The following PLXDC2 variants were observed in gnomAD, a reference collection of about 807,000 sequenced individuals.
The protein encoded by PLXDC2 is plexin domain-containing protein 2.
In PLXDC2, 40 loss-of-function variants were observed where a neutral mutation model predicts 68.9. The ratio of observed to expected loss-of-function variants is 0.58; its 90% CI spans 0.45 to 0.76. The LOEUF (loss-of-function observed/expected upper bound fraction) is 0.76, where lower values mean the gene tolerates loss of function less well. Ranked by LOEUF, PLXDC2 falls within the 30% of genes least tolerant of loss-of-function variation. The probability of loss-of-function intolerance (pLI) is 0.00; values close to 1 mark genes in which losing one functional copy is unlikely to be tolerated. For missense variants in PLXDC2, 644 were observed against 661.9 expected (o/e 0.97, Z 0.30); for synonymous variants, 243 against 234.2 (o/e 1.04, Z -0.34).
intron 1 of PLXDC2, among the ~76,000 whole-genome samples, chr10:19,829,306 C>T (rs1397413738): frequency 1.3e-5 from 2 of 151,984 alleles, no homozygotes; most frequent in African/African-American, 2.4e-5. Context: ...CCAGTGCCTC[C>T]CTAGCTCCAA....
At chr10:20,201,339 A>G (rs1393877484) in intron 9 of PLXDC2, among the ~76,000 whole-genome samples, 1 of 152,094 alleles carries the variant, frequency 6.6e-6, no homozygotes, top group Non-Finnish European at 1.5e-5. Context: ...GCTTTAAAAA[A>G]TAAAAGGTGA....
intron 1 of PLXDC2, among the ~76,000 whole-genome samples, chr10:19,866,488 G>C (rs1837419249): frequency 6.6e-6 from 1 of 152,138 alleles, no homozygotes; most frequent in African/African-American, 2.4e-5. Context: ...GATTACACTA[G>C]GCCCACATGG....
At chr10:20,021,202 T>C (rs935300053) in intron 2 of PLXDC2, among the ~76,000 whole-genome samples, 1 of 152,120 alleles carries the variant, frequency 6.6e-6, no homozygotes, top group African/African-American at 2.4e-5. Flanking sequence ...TTTTTTTTGT[T>C]TGTTTGTTTG....
At chr10:20,110,599 G>C (rs767331034) in intron 4 of PLXDC2, among the ~76,000 whole-genome samples, 15 of 152,024 alleles carry the variant, frequency 9.9e-5, no homozygotes, top group Non-Finnish European at 1.6e-4. Context: ...CACCAAGACT[G>C]GTCTCAGCAG....
intron 6 of PLXDC2, among the ~76,000 whole-genome samples, chr10:20,158,710 T>C (rs1216877785): frequency 6.6e-6 from 1 of 151,496 alleles, no homozygotes; most frequent in Non-Finnish European, 1.5e-5. Flanking sequence ...TTTTTAAAAG[T>C]AGTTTATTTT....
intron 4 of PLXDC2, among the ~76,000 whole-genome samples, chr10:20,085,687 C>T (rs999579092): frequency 6.6e-6 from 1 of 152,082 alleles, no homozygotes; most frequent in Non-Finnish European, 1.5e-5. Flanking sequence ...GGTACCACCA[C>T]TCCTACACAG....
intron 1 of PLXDC2, among the ~76,000 whole-genome samples, chr10:19,825,827 G>A (rs183916550): frequency 2.0e-4 from 30 of 152,170 alleles, no homozygotes; most frequent in East Asian, 1.9e-3. Flanking sequence ...TGTAGCTACC[G>A]CTGACCTAAT....
chr10:19,864,262 TC>T (rs1293455776), intron 1 of PLXDC2, among the ~76,000 whole-genome samples: 1 of 152,182 alleles, frequency 6.6e-6, no homozygotes, highest in African/African-American at 2.4e-5. Flanking sequence ...AGCCTTGGCC[TC>T]CCAAAGAGCT....
At chr10:19,912,145 G>A (rs1833284147) in intron 1 of PLXDC2, among the ~76,000 whole-genome samples, 1 of 152,124 alleles carries the variant, frequency 6.6e-6, no homozygotes, top group South Asian at 2.1e-4. Context: ...TATTCTAAAG[G>A]GAATTTAGTC....
intron 1 of PLXDC2, among the ~76,000 whole-genome samples, chr10:19,965,728 G>T (rs1225594828): frequency 1.4e-5 from 2 of 146,276 alleles, no homozygotes; most frequent in Non-Finnish European, 3.0e-5. Flanking sequence ...TGGGGGGGGG[G>T]GTTACATAAT....
At chr10:20,279,625 ATAGCTAGCAAATAGATTTTTCTGGTGC>A in intron 13 of PLXDC2, 51 bp from the exon 14 acceptor site, 1 of 1,074,412 alleles carries the variant, frequency 9.3e-7, no homozygotes, top group Non-Finnish European at 1.4e-6. Flanking sequence ...TTAATCTAAA[ATAGCTAGCAAATAGATTTTTCTGGTGC>A]TAGAATCTTA....
At chr10:19,947,357 A>G (rs1183178385) in intron 1 of PLXDC2, among the ~76,000 whole-genome samples, 1 of 152,214 alleles carries the variant, frequency 6.6e-6, no homozygotes, top group African/African-American at 2.4e-5. Flanking sequence ...TGTTGAGTGC[A>G]GTAGTTGTAA....
At chr10:19,948,526 G>A (rs1449281077) in intron 1 of PLXDC2, among the ~76,000 whole-genome samples, 1 of 151,716 alleles carries the variant, frequency 6.6e-6, no homozygotes, top group African/African-American at 2.4e-5. Context: ...GATGGTGGAT[G>A]GTTTTTTTCT....
At chr10:19,897,892 A>G (rs1838088030) in intron 1 of PLXDC2, among the ~76,000 whole-genome samples, 1 of 152,122 alleles carries the variant, frequency 6.6e-6, no homozygotes, top group African/African-American at 2.4e-5. Flanking sequence ...TTTTAAGTAG[A>G]AGGACTAGCT....
rs551559474 is a variant in PLXDC2, at chr10:20,285,749, A to C, written c.*5930A>C. On this transcript the variant is annotated 3_prime_UTR_variant, in exon 14 of 14. Coordinates refer to ENST00000377252, the MANE Select transcript of PLXDC2 (RefSeq NM_032812.9). ...CTGTTTTGAGGTATTCAGAAACACCAGTGTATCAAAAAAGCATTTGCACTT... is the reference window on the plus strand; with the variant it reads ...CTGTTTTGAGGTATTCAGAAACACCCGTGTATCAAAAAAGCATTTGCACTT... The C allele has an allele frequency of 3.3e-5, 5 of 152,292 alleles. No homozygotes were observed. The highest frequency in any genetic ancestry group is 2.6e-4 in the Admixed American group (4 of 15,310). 9.4% of individuals were successfully genotyped at this position (152,292 alleles called of 1,614,324 possible).
chr10:20,080,759 A>T (rs7074904), intron 4 of PLXDC2, among the ~76,000 whole-genome samples: 30,637 of 152,086 alleles, frequency 0.2, 3,683 homozygotes, highest in African/African-American at 0.34. Context: ...TGTATCCTTC[A>T]ATCCAATCAA....
At chr10:20,256,617 A>G (rs1835745594) in intron 13 of PLXDC2, among the ~76,000 whole-genome samples, 1 of 152,160 alleles carries the variant, frequency 6.6e-6, no homozygotes, top group Admixed American at 6.5e-5. Context: ...AATCCTCCCA[A>G]AAGTGTATCA....
chr10:19,946,777 A>G (rs1361841359), intron 1 of PLXDC2, among the ~76,000 whole-genome samples: 1 of 152,156 alleles, frequency 6.6e-6, no homozygotes, highest in African/African-American at 2.4e-5. Context: ...CCTAAGGAGC[A>G]TGCAGCCTAG....
At chr10:19,991,799 C>T (rs1834755131) in intron 1 of PLXDC2, among the ~76,000 whole-genome samples, 1 of 152,188 alleles carries the variant, frequency 6.6e-6, no homozygotes, top group Non-Finnish European at 1.5e-5. Context: ...GATCATCTCT[C>T]ACACTGGGTA....
Sources: allele counts gnomAD v4.1 joint callset (sites outside exome capture counted in the v4.1 genomes callset), GRCh38; gene constraint gnomAD v4.1.1; transcripts MANE v1.5; gene names NCBI Gene and HGNC (gene_info 2026-07-23, HGNC 2026-07-21).